Variants in FOXP2 observed in about 807,000 individuals in gnomAD.
FOXP2 encodes the protein forkhead box protein P2.
Under a neutral mutation model 115.8 loss-of-function variants are expected in FOXP2, and 12 were observed. The ratio of observed to expected loss-of-function variants is 0.10; its 90% CI spans 0.07 to 0.17. FOXP2 has a LOEUF of 0.17. Among genes scored for constraint, FOXP2 ranks in the 10% least tolerant of loss-of-function variants. The probability of loss-of-function intolerance (pLI) is 1.00; values close to 1 mark genes in which losing one functional copy is unlikely to be tolerated. For missense variants in FOXP2, 629 were observed against 843.5 expected, an observed-to-expected ratio of 0.75 and a Z score of 3.15; for synonymous variants, 328 against 297.7, an observed-to-expected ratio of 1.10 and a Z score of -1.05.
At chr7:114,457,815 G>GGAGC (rs1562938222) in intron 2 of FOXP2, among the ~76,000 whole-genome samples, 1 of 150,980 alleles carries the variant, frequency 6.6e-6, no homozygotes, top group African/African-American at 2.4e-5. Context: ...GGAGACTGGC[G>GGAGC]TGAACCCAGG....
At chr7:114,566,245 C>T (rs1312326535) in intron 3 of FOXP2, among the ~76,000 whole-genome samples, 1 of 152,158 alleles carries the variant, frequency 6.6e-6, no homozygotes. Context: ...TCTTGACTAG[C>T]TGAACATTGA....
intron 2 of FOXP2, among the ~76,000 whole-genome samples, chr7:114,447,625 T>A (rs1432633326): frequency 6.6e-6 from 1 of 152,124 alleles, no homozygotes; most frequent in Non-Finnish European, 1.5e-5. Flanking sequence ...ATTTTACTCC[T>A]ATCTCCCAGC....
intron 2 of FOXP2, among the ~76,000 whole-genome samples, chr7:114,392,262 G>A (rs535620191): frequency 6.6e-6 from 1 of 152,342 alleles, no homozygotes; most frequent in East Asian, 1.9e-4. Context: ...AGGCCAGTAT[G>A]CGTGGTTGGA....
In FOXP2 at chr7:114,652,094, T is replaced by C. The variant is rs1362888713; in HGVS notation, c.1095-109T>C. On this transcript the variant is annotated intron_variant, in intron 8 of 16. Coordinates refer to ENST00000350908, the MANE Select transcript of FOXP2 (RefSeq NM_014491.4). ...TGTATGGTTTCAAGGCTTTCTGTTT[T>C]CCCAGTGCACAGAAACATCTGACTT... The C allele has an allele frequency of 3.4e-5, 33 of 958,148 alleles. No homozygotes were observed. The East Asian group carries it at 8.1e-4, about 24-fold the overall frequency. 59.4% of individuals were successfully genotyped at this position (958,148 alleles called of 1,614,324 possible). A position where few individuals can be genotyped will look rare whatever the true frequency, so the allele number is the denominator to read the frequency against.
chr7:114,271,702 ATAT>A (rs1230162872), intron 1 of FOXP2, among the ~76,000 whole-genome samples: 11 of 116,862 alleles, frequency 9.4e-5, no homozygotes, highest in Admixed American at 6.4e-4. Context: ...TATATTTAAT[ATAT>A]TATTTAATAC....
At chr7:114,102,517 CACTTAA>C (rs1337474375) in intron 1 of FOXP2, among the ~76,000 whole-genome samples, 6 of 151,668 alleles carry the variant, frequency 4.0e-5, no homozygotes, top group Non-Finnish European at 7.4e-5. Flanking sequence ...TATTTATGGA[CACTTAA>C]ACTTAAATTT....
intron 1 of FOXP2, among the ~76,000 whole-genome samples, chr7:114,282,259 T>A (rs1796358598): frequency 6.6e-6 from 1 of 152,198 alleles, no homozygotes; most frequent in Admixed American, 6.6e-5. Context: ...GTATTAACTA[T>A]CAAAACTACA....
chr7:114,662,298 C>T lies in FOXP2; in HGVS notation c.1769+112C>T, dbSNP rs988855848. On this transcript the variant is annotated intron_variant, in intron 14 of 16. Coordinates refer to ENST00000350908, the MANE Select transcript of FOXP2 (RefSeq NM_014491.4). ...GTTAGCTTAATGGCATGCTAACATT[C>T]TCGTGGCAATGAACTGCATTTTGAA... 111 of 1,436,968 alleles carry T rather than the reference C, an allele frequency of 7.7e-5. No homozygotes were observed. The African/African-American group carries it at 1.4e-3, about 19-fold the overall frequency. 89.0% of individuals were successfully genotyped at this position (1,436,968 alleles called of 1,614,324 possible).
At chr7:114,328,479 G>A (rs550643560) in intron 2 of FOXP2, among the ~76,000 whole-genome samples, 7 of 151,290 alleles carry the variant, frequency 4.6e-5, no homozygotes, top group African/African-American at 1.2e-4. Context: ...CTCGTGATCC[G>A]CCTGCCTCGG....
intron 2 of FOXP2, among the ~76,000 whole-genome samples, chr7:114,497,661 A>ATAAG (rs943751874): frequency 8.3e-6 from 1 of 120,154 alleles, no homozygotes; most frequent in Non-Finnish European, 1.7e-5. Context: ...TAAAAAATAA[A>ATAAG]TAAGTAAATA....
intron 2 of FOXP2, among the ~76,000 whole-genome samples, chr7:114,342,636 CA>C (rs1262537335): frequency 6.6e-6 from 1 of 151,366 alleles, no homozygotes; most frequent in Non-Finnish European, 1.5e-5. Context: ...AGGTGAATCT[CA>C]AAAGTGTATT....
At chr7:114,558,287 G>C (rs1231125114) in intron 3 of FOXP2, among the ~76,000 whole-genome samples, 1 of 152,172 alleles carries the variant, frequency 6.6e-6, no homozygotes, top group African/African-American at 2.4e-5. Context: ...ATTTAAAACA[G>C]TATCTTGTCT....
At chr7:114,609,476 G>A (rs936013140) in intron 3 of FOXP2, among the ~76,000 whole-genome samples, 10 of 152,078 alleles carry the variant, frequency 6.6e-5, no homozygotes, top group African/African-American at 1.4e-4. Flanking sequence ...TAAAGCATTC[G>A]ATATTCTAAG....
rs562064487 is a variant in FOXP2, at chr7:114,325,749, C to T, written c.-11+37640C>T. Among the ~76,000 whole-genome samples, 29 of 151,930 alleles carry T rather than the reference C, an allele frequency of 1.9e-4. No homozygotes were observed. The East Asian group carries it at 5.0e-3, about 26-fold the overall frequency. On this transcript the variant is annotated intron_variant, in intron 2 of 17. Transcript: ENST00000634411. ...GAAATATTTTCTGTATAGACCCGTT[C>T]GGTTGCTGAGATGGGCTTCCATCTA...
intron 1 of FOXP2, among the ~76,000 whole-genome samples, chr7:114,188,806 C>G (rs1352857585): frequency 6.6e-6 from 1 of 152,012 alleles, no homozygotes; most frequent in African/African-American, 2.4e-5. Flanking sequence ...TGGGGCTTGA[C>G]CTTTGTAGAT....
At chr7:114,490,370 C>T (rs1401433788) in intron 2 of FOXP2, among the ~76,000 whole-genome samples, 1 of 152,042 alleles carries the variant, frequency 6.6e-6, no homozygotes, top group African/African-American at 2.4e-5. Context: ...AAGAGCAAAA[C>T]TATGGAGATG....
intron 3 of FOXP2, among the ~76,000 whole-genome samples, chr7:114,548,989 A>C (rs1226272394): frequency 6.6e-6 from 1 of 152,230 alleles, no homozygotes; most frequent in Non-Finnish European, 1.5e-5. Flanking sequence ...AGAAAGTCTT[A>C]ACATTCCTCC....
Position 114,689,810 on chromosome 7 carries a change from G to C in FOXP2, c.2032G>C (p.Val678Leu), listed in dbSNP as rs774842735. 1 of 1,613,342 alleles carries C rather than the reference G, an allele frequency of 6.2e-7. No individual in the cohort carries two copies. Among genetic ancestry groups the C allele is most frequent in the East Asian group, 2.2e-5 (1 of 44,850 alleles). The change falls in exon 17 of 17, where the codon GTG becomes CTG. Residue 678 changes from valine (V) to leucine (L), a missense_variant. Val to Leu is a conservative substitution (Grantham distance 32). Coordinates refer to ENST00000350908, the MANE Select transcript of FOXP2 (RefSeq NM_014491.4). Reference protein sequence around the residue: ...IHSIHVKEEPVIAEDEDCPMS... With the variant: ...IHSIHVKEEPLIAEDEDCPMS... The stretch of plus-strand genomic sequence containing the variant: ...TTCAATCCACGTCAAGGAAGAGCCA[G>C]TGATTGCAGAGGATGAAGACTGCCC...
chr7:114,262,577 A>G (rs1211793779), intron 1 of FOXP2, among the ~76,000 whole-genome samples: 1 of 152,214 alleles, frequency 6.6e-6, no homozygotes, highest in South Asian at 2.1e-4. Context: ...ATAGTTCAGT[A>G]TGGTAGCCAT....
Sources: gnomAD v4.1 joint callset for allele counts (sites outside exome capture counted in the v4.1 genomes callset) on GRCh38, gnomAD v4.1.1 for gene constraint, MANE v1.5 for transcripts, NCBI Gene and HGNC (gene_info 2026-07-23, HGNC 2026-07-21) for gene names.